Variants in MYO16 observed in about 807,000 individuals in gnomAD.
MYO16 encodes myosin XVI.
MYO16 carries 94 observed loss-of-function variants against 205.3 expected under a neutral mutation model. The ratio of observed to expected loss-of-function variants is 0.46; its 90% CI spans 0.39 to 0.54. The LOEUF (loss-of-function observed/expected upper bound fraction) is 0.54. MYO16 is among the 20% of genes least tolerant of loss of function. The pLI, the probability that MYO16 is intolerant of heterozygous loss-of-function variation, is 0.00. For missense variants in MYO16, 2,315 were observed against 2,387.5 expected (o/e 0.97, Z 0.63); for synonymous variants, 988 against 954.0 (o/e 1.04, Z -0.66).
chr13:108,579,194 T>C, the MYO16 span, among the ~76,000 whole-genome samples: 2 of 152,144 alleles, frequency 1.3e-5, no homozygotes, highest in African/African-American at 4.8e-5. Context: ...GCAGTTACGG[T>C]TGTGTGTCCT....
chr13:108,680,981 C>A (rs1185085590), intron 2 of MYO16, among the ~76,000 whole-genome samples: 1 of 152,212 alleles, frequency 6.6e-6, no homozygotes, highest in Non-Finnish European at 1.5e-5. Context: ...ATGTCCTTCT[C>A]ATGGTCTTGG....
intron 2 of MYO16, among the ~76,000 whole-genome samples, chr13:108,708,395 A>G (rs1883595849): frequency 6.6e-6 from 1 of 152,204 alleles, no homozygotes; most frequent in South Asian, 2.1e-4. Context: ...TCATTTCAGG[A>G]GGAAAAAAAT....
At chr13:109,137,613 C>T (rs927046156) in intron 31 of MYO16, among the ~76,000 whole-genome samples, 4 of 152,188 alleles carry the variant, frequency 2.6e-5, no homozygotes, top group South Asian at 2.1e-4. Context: ...TTTGGGGAAC[C>T]CTGTATAGTA....
the MYO16 span, among the ~76,000 whole-genome samples, chr13:108,500,474 C>T: frequency 2.0e-5 from 3 of 151,670 alleles, no homozygotes; most frequent in South Asian, 6.3e-4. Context: ...GTGATCCACT[C>T]GCCTCGGCCT....
upstream of MYO16, among the ~76,000 whole-genome samples, chr13:108,592,521 G>A (rs1262373988): frequency 7.2e-6 from 1 of 138,778 alleles, no homozygotes; most frequent in African/African-American, 2.7e-5. Context: ...GGGTTGTATA[G>A]GGGATGGTGG....
At chr13:108,896,670 A>G (rs1880426622) in intron 14 of MYO16, among the ~76,000 whole-genome samples, 1 of 152,218 alleles carries the variant, frequency 6.6e-6, no homozygotes, top group Admixed American at 6.5e-5. Context: ...GGAAATTTAA[A>G]AGTGGGATCA....
intron 1 of MYO16, among the ~76,000 whole-genome samples, chr13:108,656,963 C>G (rs1411458848): frequency 2.6e-5 from 4 of 152,218 alleles, no homozygotes; most frequent in South Asian, 2.1e-4. Flanking sequence ...CAGCACCAGA[C>G]AGCAGGCTGC....
chr13:108,749,754 A>G (rs545652055), intron 4 of MYO16, among the ~76,000 whole-genome samples: 1 of 152,312 alleles, frequency 6.6e-6, no homozygotes, highest in African/African-American at 2.4e-5. Flanking sequence ...TTACAATACA[A>G]CCCAGCAATC....
chr13:108,858,779 C>T (rs1157973216), intron 11 of MYO16, among the ~76,000 whole-genome samples: 2 of 152,182 alleles, frequency 1.3e-5, no homozygotes, highest in Non-Finnish European at 2.9e-5. Flanking sequence ...GCCCAATTCA[C>T]TCAGTAAAGC....
At chr13:108,987,111 G>A (rs1253306483) in intron 20 of MYO16, among the ~76,000 whole-genome samples, 6 of 152,172 alleles carry the variant, frequency 3.9e-5, no homozygotes, top group Non-Finnish European at 7.3e-5. Flanking sequence ...CAAGGGGTCC[G>A]CAGTTCTGTA....
intron 4 of MYO16, among the ~76,000 whole-genome samples, chr13:108,764,067 T>C (rs1432808713): frequency 6.6e-6 from 1 of 152,124 alleles, no homozygotes; most frequent in Non-Finnish European, 1.5e-5. Context: ...AGTGATATCA[T>C]TCCAGGAGAA....
At chr13:108,640,927 C>G (rs905599474) in intron 1 of MYO16, among the ~76,000 whole-genome samples, 7 of 152,130 alleles carry the variant, frequency 4.6e-5, no homozygotes, top group Non-Finnish European at 7.4e-5. Context: ...TCAAAATGAG[C>G]CTTCTTGGCA....
intron 15 of MYO16, among the ~76,000 whole-genome samples, chr13:108,898,438 A>C (rs1268128263): frequency 1.3e-5 from 2 of 151,590 alleles, no homozygotes; most frequent in Non-Finnish European, 2.9e-5. Flanking sequence ...ATTGTGAATT[A>C]AAAAATATTC....
intron 27 of MYO16, among the ~76,000 whole-genome samples, chr13:109,092,419 A>G (rs1224694789): frequency 2.0e-5 from 3 of 152,240 alleles, no homozygotes; most frequent in Non-Finnish European, 2.9e-5. Context: ...GAATGAGGTC[A>G]TGTCGTTTGT....
the MYO16 span, among the ~76,000 whole-genome samples, chr13:108,577,353 A>C: frequency 1.9e-4 from 29 of 152,354 alleles, no homozygotes; most frequent in African/African-American, 6.7e-4. Context: ...TCTCATATAT[A>C]GGATGAGGAT....
At chr13:108,894,749 G>A (rs753151888) in intron 14 of MYO16, among the ~76,000 whole-genome samples, 2 of 152,264 alleles carry the variant, frequency 1.3e-5, no homozygotes, top group Admixed American at 6.5e-5. Context: ...TTACCCACTG[G>A]GTAGATGGAC....
intron 20 of MYO16, among the ~76,000 whole-genome samples, chr13:108,973,778 A>C (rs915898433): frequency 3.5e-4 from 54 of 152,232 alleles, no homozygotes; most frequent in Non-Finnish European, 5.9e-5. Context: ...GTCTAAATGA[A>C]CATAGAGAAT....
At chr13:108,552,656 G>A in the MYO16 span, among the ~76,000 whole-genome samples, 13 of 151,950 alleles carry the variant, frequency 8.6e-5, no homozygotes, top group South Asian at 2.1e-4. Context: ...AAATTTATAC[G>A]TGTGTTACAG....
At chr13:109,049,932 G>GTA (rs2139600234) in intron 24 of MYO16, among the ~76,000 whole-genome samples, 1 of 106,896 alleles carries the variant, frequency 9.4e-6, no homozygotes, top group Non-Finnish European at 1.9e-5. Flanking sequence ...TGTCCTGTGT[G>GTA]TGTGTGTGTG....
Sources: allele counts gnomAD v4.1 joint callset (sites outside exome capture counted in the v4.1 genomes callset), GRCh38; gene constraint gnomAD v4.1.1; transcripts MANE v1.5; gene names NCBI Gene and HGNC (gene_info 2026-07-23, HGNC 2026-07-21).